Variants in ITGA8 observed in about 807,000 individuals in gnomAD.
The protein encoded by ITGA8 is integrin alpha-8.
In ITGA8, 91 loss-of-function variants were observed where a neutral mutation model predicts 142.3. That is an observed-to-expected ratio of 0.64 (90% CI 0.54 to 0.76). ITGA8 has a LOEUF of 0.76. ITGA8 is among the 30% of genes least tolerant of loss of function. The pLI is 0.00. For synonymous variants in ITGA8, 505 were observed against 485.2 expected (o/e 1.04, Z -0.54); for missense variants, 1,406 against 1,327.7 (o/e 1.06, Z -0.92).
At chr10:15,577,416 A>T (rs1425337627) in intron 23 of ITGA8, among the ~76,000 whole-genome samples, 1 of 152,148 alleles carries the variant, frequency 6.6e-6, no homozygotes, top group Non-Finnish European at 1.5e-5. Context: ...CCTAAGTACC[A>T]TCTACTCTAT....
At chr10:15,528,873 T>C (rs1041502934) in intron 28 of ITGA8, among the ~76,000 whole-genome samples, 1 of 152,228 alleles carries the variant, frequency 6.6e-6, no homozygotes, top group Non-Finnish European at 1.5e-5. Flanking sequence ...AAGAAAGATG[T>C]GGCTGTGCTT....
In ITGA8 at chr10:15,531,156, A is replaced by C; in HGVS notation, c.2881-5T>G. 7.2e-7 allele frequency: 1 copy of C among 1,387,882 alleles called. No homozygotes were observed. Among genetic ancestry groups the C allele is most frequent in the Non-Finnish European group, 9.7e-7 (1 of 1,029,358 alleles). 86.0% of individuals were successfully genotyped at this position (1,387,882 alleles called of 1,614,324 possible). Reference sequence around the variant, plus strand: ...AGCATAGGGATCATTTTTTCTCTGAAAGTAAAAGTATTTATTTAAATATAT... The same window carrying C: ...AGCATAGGGATCATTTTTTCTCTGACAGTAAAAGTATTTATTTAAATATAT... On this transcript the variant is annotated splice_region_variant and splice_polypyrimidine_tract_variant and intron_variant, in intron 27 of 29. Coordinates refer to ENST00000378076, the MANE Select transcript of ITGA8 (RefSeq NM_003638.3).
chr10:15,592,334 T>A, intron 21 of ITGA8, 30 bp from the exon 22 acceptor site: 1 of 1,460,752 alleles, frequency 6.8e-7, no homozygotes. Flanking sequence ...CACACAAGAG[T>A]AGCTTGTACA....
At chr10:15,535,868 C>G (rs186900133) in intron 27 of ITGA8, among the ~76,000 whole-genome samples, 1 of 152,146 alleles carries the variant, frequency 6.6e-6, no homozygotes, top group African/African-American at 2.4e-5. Flanking sequence ...TTTGGGTCCA[C>G]GCTGCCTTTA....
At chr10:15,554,747 CTT>C (rs779236255) in intron 26 of ITGA8, among the ~76,000 whole-genome samples, 1 of 109,568 alleles carries the variant, frequency 9.1e-6, no homozygotes, top group Non-Finnish European at 1.8e-5. Context: ...TTCTTTCTTT[CTT>C]TTTTTTTTAA....
intron 15 of ITGA8, among the ~76,000 whole-genome samples, chr10:15,612,968 C>T (rs1193344151): frequency 1.3e-5 from 2 of 152,184 alleles, no homozygotes; most frequent in Non-Finnish European, 1.5e-5. Context: ...CGAGACCAGC[C>T]TGACTAACAT....
chr10:15,621,620 G>A (rs769247013), intron 13 of ITGA8, among the ~76,000 whole-genome samples: 4 of 150,674 alleles, frequency 2.7e-5, no homozygotes, highest in Non-Finnish European at 5.9e-5. Flanking sequence ...GATTAGGTGG[G>A]CAGGAAACAG....
In ITGA8 at chr10:15,534,969, G is replaced by C. The variant is rs1037157042; in HGVS notation, c.2881-3818C>G. Among the ~76,000 whole-genome samples, 7 of 152,326 alleles carry C rather than the reference G, an allele frequency of 4.6e-5. No individual in the cohort carries two copies. The East Asian group carries it at 7.7e-4, about 17-fold the overall frequency. ...CCTCAGCTTGCCGGGAGGTGTGGAG[G>C]GAGAGGCACGGGGGGAGAGGCGCAG... is the stretch of plus-strand genomic sequence containing the variant. On this transcript the variant is annotated intron_variant, in intron 27 of 29. Transcript: ENST00000378076.
intron 28 of ITGA8, among the ~76,000 whole-genome samples, chr10:15,528,705 A>G (rs1241767701): frequency 2.6e-5 from 4 of 152,248 alleles, no homozygotes; most frequent in African/African-American, 7.2e-5. Flanking sequence ...CTTGGAAAAA[A>G]CAAAAGGGCC....
intron 23 of ITGA8, among the ~76,000 whole-genome samples, chr10:15,582,444 C>A (rs546584991): frequency 1.3e-5 from 2 of 152,264 alleles, no homozygotes; most frequent in African/African-American, 4.8e-5. Context: ...AACTGGATTT[C>A]ATCAAACTTT....
intron 14 of ITGA8, among the ~76,000 whole-genome samples, chr10:15,615,873 T>A (rs994153469): frequency 6.6e-5 from 10 of 152,316 alleles, no homozygotes; most frequent in African/African-American, 2.4e-4. Flanking sequence ...CCAGTTACTA[T>A]TCTGTGTACA....
At chr10:15,540,457 A>T (rs1004714087) in intron 27 of ITGA8, among the ~76,000 whole-genome samples, 1 of 152,156 alleles carries the variant, frequency 6.6e-6, no homozygotes, top group African/African-American at 2.4e-5. Context: ...TTCTCTCCTC[A>T]GTTTGGAAGC....
chr10:15,622,609 A>ACC (rs1554778888), intron 13 of ITGA8, among the ~76,000 whole-genome samples: 3 of 114,884 alleles, frequency 2.6e-5, no homozygotes, highest in African/African-American at 5.5e-5. Context: ...AAACAAAAAA[A>ACC]AAACCACATG....
intron 4 of ITGA8, among the ~76,000 whole-genome samples, chr10:15,680,580 C>G (rs1339163034): frequency 1.3e-5 from 2 of 151,960 alleles, no homozygotes; most frequent in African/African-American, 4.8e-5. Context: ...AGATATTACT[C>G]TGAACATATA....
intron 23 of ITGA8, among the ~76,000 whole-genome samples, chr10:15,581,940 A>G (rs887867964): frequency 6.6e-6 from 1 of 152,212 alleles, no homozygotes; most frequent in African/African-American, 2.4e-5. Flanking sequence ...GGCACTAGGT[A>G]TTCATGTGTA....
In ITGA8 at chr10:15,515,359, G is replaced by A. The variant is rs1343003663; in HGVS notation, c.*1799C>T. ...AGGACAGTATTCAATTCACAGGCAG[G>A]AAGAACATGAACTGCACCAGCGTGC... On this transcript the variant is annotated 3_prime_UTR_variant, in exon 30 of 30. Transcript: ENST00000378076. 6.6e-6 allele frequency: 1 copy of A among 152,262 alleles called. No individual in the cohort carries two copies. Among genetic ancestry groups the A allele is most frequent in the African/African-American group, 2.4e-5 (1 of 41,448 alleles). 9.4% of individuals were successfully genotyped at this position (152,262 alleles called of 1,614,324 possible). A position where few individuals can be genotyped will look rare whatever the true frequency, so the allele number is the denominator to read the frequency against.
chr10:15,681,174 A>T (rs540283210), intron 4 of ITGA8, among the ~76,000 whole-genome samples: 2 of 152,370 alleles, frequency 1.3e-5, no homozygotes, highest in Non-Finnish European at 2.9e-5. Flanking sequence ...GTATAAGATT[A>T]ACATGAGGAG....
chr10:15,694,042 T>C, intron 2 of ITGA8, among the ~76,000 whole-genome samples: 1 of 149,494 alleles, frequency 6.7e-6, no homozygotes. Flanking sequence ...TACATGAAGG[T>C]CAATGGCTTT....
At chr10:15,646,475 G>A (rs1375646677) in intron 12 of ITGA8, among the ~76,000 whole-genome samples, 1 of 152,112 alleles carries the variant, frequency 6.6e-6, no homozygotes, top group East Asian at 1.9e-4. Flanking sequence ...AGGTAGTATG[G>A]TTTTGACATT....
Sources: gnomAD v4.1 joint callset for allele counts (sites outside exome capture counted in the v4.1 genomes callset) on GRCh38, gnomAD v4.1.1 for gene constraint, MANE v1.5 for transcripts, NCBI Gene and HGNC (gene_info 2026-07-23, HGNC 2026-07-21) for gene names.